Variants in PTPRD observed in about 807,000 individuals in gnomAD.
The protein encoded by PTPRD is protein tyrosine phosphatase receptor type D, also known as receptor-type tyrosine-protein phosphatase delta.
A neutral mutation model predicts 214.5 loss-of-function variants in PTPRD; 34 were observed. The observed-to-expected ratio is 0.16, with a 90% CI of 0.12 to 0.21. The LOEUF is 0.21. Among genes scored for constraint, PTPRD ranks in the 10% least tolerant of loss-of-function variants. The pLI is 1.00. For synonymous variants in PTPRD, 1,128 were observed against 845.7 expected (o/e 1.33, Z -5.79); for missense variants, 2,545 against 2,398.7 (o/e 1.06, Z -1.27).
At chr9:9,077,154 G>T (rs376960246) in intron 10 of PTPRD, among the ~76,000 whole-genome samples, 3 of 144,654 alleles carry the variant, frequency 2.1e-5, no homozygotes, top group East Asian at 2.0e-4. Flanking sequence ...CAGATTATTA[G>T]TTTTTTTTTT....
At chr9:9,523,908 A>G (rs1360775665) in intron 8 of PTPRD, among the ~76,000 whole-genome samples, 1 of 152,070 alleles carries the variant, frequency 6.6e-6, no homozygotes, top group Non-Finnish European at 1.5e-5. Flanking sequence ...CCCTCAGTCC[A>G]TGTGCTTCCG....
chr9:9,266,542 T>C (rs1404991205), intron 9 of PTPRD, among the ~76,000 whole-genome samples: 2 of 151,040 alleles, frequency 1.3e-5, no homozygotes, highest in East Asian at 3.9e-4. Context: ...TGAAATTATA[T>C]CAAGCATCTT....
intron 9 of PTPRD, among the ~76,000 whole-genome samples, chr9:9,191,223 T>A (rs768158957): frequency 6.6e-6 from 1 of 152,130 alleles, no homozygotes; most frequent in Non-Finnish European, 1.5e-5. Flanking sequence ...GAAGGGCCCA[T>A]GTGGCAAAAG....
intron 11 of PTPRD, among the ~76,000 whole-genome samples, chr9:9,013,877 G>T (rs1386401408): frequency 1.3e-5 from 2 of 152,136 alleles, no homozygotes; most frequent in African/African-American, 4.8e-5. Flanking sequence ...TGGCCTGAAA[G>T]TATCAACGTG....
intron 3 of PTPRD, among the ~76,000 whole-genome samples, chr9:10,177,404 T>A (rs2154302950): frequency 6.7e-6 from 1 of 148,970 alleles, no homozygotes; most frequent in South Asian, 2.1e-4. Context: ...TATGCTAGAA[T>A]AATGAGTTTG....
chr9:9,426,570 G>A (rs1341217960), intron 8 of PTPRD, among the ~76,000 whole-genome samples: 1 of 152,136 alleles, frequency 6.6e-6, no homozygotes, highest in Non-Finnish European at 1.5e-5. Context: ...GGATCTCCCA[G>A]CACGGAGTTT....
At chr9:9,877,086 CA>C (rs1198420442) in intron 5 of PTPRD, among the ~76,000 whole-genome samples, 2 of 151,946 alleles carry the variant, frequency 1.3e-5, no homozygotes, top group Non-Finnish European at 2.9e-5. Context: ...ATCCAGGCAC[CA>C]AAAAGATCTA....
intron 3 of PTPRD, among the ~76,000 whole-genome samples, chr9:10,101,449 A>G (rs1376875165): frequency 1.3e-5 from 2 of 151,616 alleles, no homozygotes; most frequent in African/African-American, 4.8e-5. Context: ...CTCACCTTCC[A>G]TCCTCTGCTA....
chr9:9,002,252 C>A (rs1377921865), intron 11 of PTPRD, among the ~76,000 whole-genome samples: 1 of 151,784 alleles, frequency 6.6e-6, no homozygotes, highest in Non-Finnish European at 1.5e-5. Context: ...CAAGATTTTT[C>A]AGAAAAATCA....
intron 3 of PTPRD, among the ~76,000 whole-genome samples, chr9:10,061,199 G>A (rs72694816): frequency 0.044 from 6,685 of 151,838 alleles, 189 homozygotes; most frequent in Admixed American, 0.091. Flanking sequence ...ATGTAACAAT[G>A]AAAATGCATA....
intron 11 of PTPRD, among the ~76,000 whole-genome samples, chr9:8,947,233 G>A (rs2099071139): frequency 6.6e-6 from 1 of 151,578 alleles, no homozygotes; most frequent in South Asian, 2.1e-4. Context: ...GGAGGCCAAG[G>A]TGGGTGGATC....
At chr9:10,363,840 TA>T (rs894221081) in intron 2 of PTPRD, among the ~76,000 whole-genome samples, 2 of 152,072 alleles carry the variant, frequency 1.3e-5, no homozygotes, top group Non-Finnish European at 2.9e-5. Flanking sequence ...TGGAAAATTT[TA>T]AAGAAAGTAA....
intron 3 of PTPRD, among the ~76,000 whole-genome samples, chr9:10,275,759 CAG>C (rs1455601015): frequency 1.3e-5 from 2 of 152,086 alleles, no homozygotes; most frequent in Admixed American, 6.5e-5. Context: ...GTTAACAAAT[CAG>C]AGAGATGCAG....
rs538974272 is a variant in PTPRD at position 8,893,419 on chromosome 9, G to A, written c.-104+125278C>T. 2.8e-4 allele frequency among the ~76,000 whole-genome samples: 43 copies of A among 152,278 alleles called. 1 individual carries two copies. The South Asian group carries it at 5.8e-3, about 21-fold the overall frequency. On this transcript the variant is annotated intron_variant, in intron 11 of 45. Coordinates refer to ENST00000381196, the MANE Select transcript of PTPRD (RefSeq NM_002839.4). The stretch of plus-strand genomic sequence containing the variant: ...CAAAAGGCTTGTAGAGAAACAGAAA[G>A]CGAAGTGACCAAGAAAGGACCATGA...
At chr9:10,410,256 T>TATATATATATAA (rs2154505667) in intron 2 of PTPRD, among the ~76,000 whole-genome samples, 1 of 138,018 alleles carries the variant, frequency 7.2e-6, no homozygotes, top group African/African-American at 2.7e-5. Context: ...ATTTTGTGTA[T>TATATATATATAA]ATATATATAT....
Position 8,741,718 on chromosome 9 carries a change from G to C in PTPRD, c.-103-7772C>G, listed in dbSNP as rs554948921. Among the ~76,000 whole-genome samples, 258 of 151,514 alleles carry C rather than the reference G, an allele frequency of 1.7e-3. 1 individual carries two copies. Among genetic ancestry groups the C allele is most frequent in the African/African-American group, 5.9e-3 (242 of 41,260 alleles). On this transcript the variant is annotated intron_variant, in intron 11 of 45. Transcript: ENST00000381196. ...CGATTCTCCTGCCTCAGCCTCCTGA[G>C]TAGCTGGGACTACAGGCACACATCA...
chr9:9,427,607 T>C lies in PTPRD; in HGVS notation c.-236-30125A>G, dbSNP rs546165365. ...AGAAGAGCAACTCCAAGACACATAA[T>C]TGTCAGATTTACCAAAGTTGAAAAG... On this transcript the variant is annotated intron_variant, in intron 8 of 45. Transcript: ENST00000381196. Among the ~76,000 whole-genome samples the C allele has an allele frequency of 1.1e-3, 160 of 152,206 alleles. 1 individual carries two copies. Among genetic ancestry groups the C allele is most frequent in the African/African-American group, 3.7e-3 (153 of 41,512 alleles).
rs199786456 is a variant in PTPRD, at chr9:8,641,307, C to CA, written c.65-4464dup. On this transcript the variant is annotated intron_variant, in intron 12 of 45. Coordinates refer to ENST00000381196, the MANE Select transcript of PTPRD (RefSeq NM_002839.4). ...AACCATCAGTATTATAGTTAGTGTA[C>CA]AAAAAAAAGAAATATCAAGGTATAA... Among the ~76,000 whole-genome samples the CA allele has an allele frequency of 8.9e-3, 1,318 of 147,406 alleles. 40 individuals are homozygous for CA. The highest frequency in any genetic ancestry group is 0.014 in the Non-Finnish European group (925 of 67,800).
chr9:9,336,583 G>A (rs899421981), intron 9 of PTPRD, among the ~76,000 whole-genome samples: 5 of 151,884 alleles, frequency 3.3e-5, no homozygotes, highest in African/African-American at 9.7e-5. Flanking sequence ...TCTCTATATG[G>A]GTTGGCAGGT....
Sources: allele counts gnomAD v4.1 joint callset (sites outside exome capture counted in the v4.1 genomes callset), GRCh38; gene constraint gnomAD v4.1.1; transcripts MANE v1.5; gene names NCBI Gene and HGNC (gene_info 2026-07-23, HGNC 2026-07-21).